TCTN1: variants seen among roughly 807,000 people sequenced by gnomAD.
TCTN1 encodes tectonic family member 1.
A neutral mutation model predicts 65.8 loss-of-function variants in TCTN1; 58 were observed. The ratio of observed to expected loss-of-function variants is 0.88; its 90% CI spans 0.71 to 1.10. TCTN1 has a LOEUF of 1.10. Among genes scored for constraint, TCTN1 ranks in the 50% least tolerant of loss-of-function variants. TCTN1 has a pLI of 0.00. For missense variants in TCTN1, 645 were observed against 719.4 expected (o/e 0.90, Z 1.18); for synonymous variants, 273 against 289.1 (o/e 0.94, Z 0.57).
chr12:110,648,414 T>C (rs2067534402), intron 14 of TCTN1, among the ~76,000 whole-genome samples: 1 of 152,182 alleles, frequency 6.6e-6, no homozygotes, highest in Non-Finnish European at 1.5e-5. Context: ...TCATAGATGA[T>C]AGAACCCAAA....
chr12:110,622,505 A>G (rs1471079528), intron 2 of TCTN1, among the ~76,000 whole-genome samples: 1 of 152,178 alleles, frequency 6.6e-6, no homozygotes, highest in East Asian at 1.9e-4. Context: ...ACTCAGCCCC[A>G]CTAAGGAATG....
chr12:110,637,647 C>G (rs1315722375), intron 7 of TCTN1, among the ~76,000 whole-genome samples: 2 of 152,200 alleles, frequency 1.3e-5, no homozygotes, highest in Admixed American at 1.3e-4. Context: ...TCCACCTGCC[C>G]AGTCTCCTTC....
At chr12:110,618,384 G>T (rs1048080394) in intron 1 of TCTN1, among the ~76,000 whole-genome samples, 10 of 152,210 alleles carry the variant, frequency 6.6e-5, no homozygotes, top group Non-Finnish European at 1.5e-4. Context: ...GGGACTACAG[G>T]TGCCCGCCAC....
At chr12:110,616,072 G>GT in intron 1 of TCTN1, among the ~76,000 whole-genome samples, 1 of 152,162 alleles carries the variant, frequency 6.6e-6, no homozygotes, top group East Asian at 1.9e-4. Context: ...AGAAAGCCAA[G>GT]TATTCAATGC....
Position 110,649,203 on chromosome 12 carries a change from C to T in TCTN1, c.*162C>T, listed in dbSNP as rs1182831903. On this transcript the variant is annotated 3_prime_UTR_variant, in exon 15 of 15. Coordinates refer to ENST00000397659, the MANE Select transcript of TCTN1 (RefSeq NM_001082538.3). ...ATGAGAAAATGTGATACATTTGATA[C>T]AGTGTGGGGTGGGAGTGGATGGGCA... 7.3e-6 allele frequency: 5 copies of T among 681,878 alleles called. No individual in the cohort carries two copies. The highest frequency in any genetic ancestry group is 2.2e-5 in the Admixed American group (1 of 45,220). The allele number at this position is 681,878 out of a possible 1,614,324, so 42.2% of individuals were successfully genotyped here.
chr12:110,619,953 T>C lies in TCTN1; in HGVS notation c.338T>C (p.Val113Ala). 1.2e-6 allele frequency: 2 copies of C among 1,614,204 alleles called. No individual in the cohort carries two copies. The highest frequency in any genetic ancestry group is 1.7e-6 in the Non-Finnish European group (2 of 1,180,040). The change falls in exon 2 of 15, where the codon GTC (valine) becomes GCC (alanine). Residue 113 changes from valine (V) to alanine (A), a missense_variant. By Grantham distance (64) the Val-to-Ala change is moderately conservative. Transcript: ENST00000397659. ...TTTTCTGCCTGCTCAGTTCCAGTTG[T>C]CACGTAAGTTTACGTATGACACATG... ...SVFSACSVPVVTGDSQFCSQK... is the reference protein window; with the variant it reads ...SVFSACSVPVATGDSQFCSQK...
chr12:110,632,363 A>G (rs1297863674), intron 4 of TCTN1, 109 bp from the exon 5 acceptor site: 6 of 1,100,082 alleles, frequency 5.5e-6, no homozygotes, highest in East Asian at 2.4e-5. Flanking sequence ...TTTGCTCATC[A>G]GTGTGTCTCT....
intron 1 of TCTN1, 174 bp downstream of exon 1, chr12:110,614,576 T>A: frequency 7.6e-7 from 1 of 1,318,764 alleles, no homozygotes; most frequent in Non-Finnish European, 1.1e-6. Context: ...AAGTAGCTGT[T>A]ACTATCACTG....
intron 6 of TCTN1, among the ~76,000 whole-genome samples, chr12:110,635,225 G>C (rs1033255552): frequency 1.3e-5 from 2 of 152,230 alleles, no homozygotes; most frequent in Non-Finnish European, 2.9e-5. Context: ...AATGGGAGAA[G>C]TGGGCACAAT....
chr12:110,626,233 C>A, intron 2 of TCTN1, 129 bp from the exon 3 acceptor site: 1 of 1,121,832 alleles, frequency 8.9e-7, no homozygotes, highest in Non-Finnish European at 1.3e-6. Context: ...GGACGTCATG[C>A]TTTCATAAAT....
rs1448068997 is a variant in TCTN1, at chr12:110,649,400, T to C, written c.*359T>C. ...ACAGTGTCTTCTTTTTGAGGGGAGC[T>C]GGTCCGGGTCTAGTTCACTTCACCA... On this transcript the variant is annotated 3_prime_UTR_variant, in exon 15 of 15. Transcript: ENST00000397659. 1.2e-6 allele frequency: 2 copies of C among 1,604,432 alleles called. No homozygotes were observed. Among genetic ancestry groups the C allele is most frequent in the South Asian group, 2.2e-5 (2 of 89,990 alleles).
intron 3 of TCTN1, chr12:110,627,790 A>C: frequency 1.8e-6 from 1 of 541,616 alleles, no homozygotes; most frequent in Non-Finnish European, 3.3e-6. Flanking sequence ...ATATGTCTAG[A>C]TCCAAAGTAC....
rs1437800930 is a variant in TCTN1 at position 110,614,285 on chromosome 12, C to T, written c.103C>T (p.Leu35Phe). 7 of 1,597,026 alleles carry T rather than the reference C, an allele frequency of 4.4e-6. No individual in the cohort carries two copies. The highest frequency in any genetic ancestry group is 6.0e-6 in the Non-Finnish European group (7 of 1,172,524). ...CACCCCGGCGGTGACGACAGAGGGC[C>T]TCAACTCCACCGAGGCAGCCCTGGC... ...DATPAVTTEG[L>F]NSTEAALATF... Residue 35 changes from leucine to phenylalanine, a missense_variant, in exon 1 of 15, where the codon CTC (leucine) becomes TTC (phenylalanine). Transcript: ENST00000397659.
In TCTN1 at chr12:110,614,151, A is replaced by G; in HGVS notation, c.-32A>G. 9 of 1,545,872 alleles carry G rather than the reference A, an allele frequency of 5.8e-6. No individual in the cohort carries two copies. The highest frequency in any genetic ancestry group is 2.4e-5 in the South Asian group (2 of 84,028). On this transcript the variant is annotated 5_prime_UTR_variant, in exon 1 of 15. The change abolishes an upstream ATG in the 5' untranslated region. Transcript: ENST00000397659. ...GCGGTTGCCGGGCAACGCGCTGTCC[A>G]TGTCGCGGGCCTCGCTGGGACTCCC...
At chr12:110,629,814 C>T (rs1251615075) in intron 4 of TCTN1, 1 of 152,124 alleles carries the variant, frequency 6.6e-6, no homozygotes, top group African/African-American at 2.4e-5. Flanking sequence ...CAGCACTATT[C>T]ACAATAGCAA....
intron 2 of TCTN1, among the ~76,000 whole-genome samples, chr12:110,620,549 A>G (rs1426585336): frequency 6.6e-6 from 1 of 152,230 alleles, no homozygotes; most frequent in African/African-American, 2.4e-5. Context: ...TGAGTTGTAG[A>G]CAGTGGTCAC....
At chr12:110,630,310 G>C (rs551761779) in intron 4 of TCTN1, 1 of 152,342 alleles carries the variant, frequency 6.6e-6, no homozygotes, top group East Asian at 1.9e-4. Flanking sequence ...TGTCTCTTCA[G>C]AGTTCTTTGT....
chr12:110,639,296 C>A lies in TCTN1; in HGVS notation c.844-1087C>A, dbSNP rs1341320788. Among the ~76,000 whole-genome samples, 2 of 152,174 alleles carry A rather than the reference C, an allele frequency of 1.3e-5. No homozygotes were observed. Among genetic ancestry groups the A allele is most frequent in the Admixed American group, 6.5e-5 (1 of 15,274 alleles). On this transcript the variant is annotated intron_variant, in intron 7 of 14. Transcript: ENST00000397659. This position sits in a 1 kb window ranked among gnomAD's most constrained non-coding sequence, Gnocchi z 4.9. Reference sequence around the variant, plus strand: ...GCTACCTTTAGAGGATGGCTTGATGCCTTGTTACTCTGCTGGTGGTGGCCA... The same window carrying A: ...GCTACCTTTAGAGGATGGCTTGATGACTTGTTACTCTGCTGGTGGTGGCCA...
In TCTN1 at chr12:110,640,343, G is replaced by A; in HGVS notation, c.844-40G>A. 6.2e-7 allele frequency: 1 copy of A among 1,613,806 alleles called. No individual in the cohort carries two copies. Among genetic ancestry groups the A allele is most frequent in the South Asian group, 1.1e-5 (1 of 90,992 alleles). ...TTGGTTATTTTAGCCCATCCTCCCTGGGTAGAGCATCTTCAACACTCCAGG... is the reference window on the plus strand; with the variant it reads ...TTGGTTATTTTAGCCCATCCTCCCTAGGTAGAGCATCTTCAACACTCCAGG... On this transcript the variant is annotated intron_variant, in intron 7 of 14. Coordinates refer to ENST00000397659, the MANE Select transcript of TCTN1 (RefSeq NM_001082538.3). The surrounding 1 kb of genome is among the most constrained non-coding windows in gnomAD (Gnocchi z 4.9).
Sources: allele counts gnomAD v4.1 joint callset (sites outside exome capture counted in the v4.1 genomes callset), GRCh38; gene constraint gnomAD v4.1.1; non-coding constraint Gnocchi (gnomAD v3.1); transcripts MANE v1.5; gene names NCBI Gene and HGNC (gene_info 2026-07-23, HGNC 2026-07-21).